Variants in GTF2B observed in about 807,000 individuals in gnomAD.
GTF2B encodes general transcription factor IIB.
Under a neutral mutation model 34.6 loss-of-function variants are expected in GTF2B, and 20 were observed. The observed-to-expected ratio is 0.58, with a 90% CI of 0.41 to 0.84. The LOEUF is 0.84. Among genes scored for constraint, GTF2B ranks in the 40% least tolerant of loss-of-function variants. The probability of loss-of-function intolerance (pLI) is 0.00; values close to 1 mark genes in which losing one functional copy is unlikely to be tolerated. For missense variants in GTF2B, 237 were observed against 393.3 expected, an observed-to-expected ratio of 0.60 and a Z score of 3.36; for synonymous variants, 142 against 132.4, an observed-to-expected ratio of 1.07 and a Z score of -0.50.
chr1:88,883,016 C>T (rs1208162393), intron 2 of GTF2B, among the ~76,000 whole-genome samples: 14 of 152,194 alleles, frequency 9.2e-5, no homozygotes, highest in Admixed American at 9.2e-4. Flanking sequence ...TGCTGCAAAT[C>T]TATGTGGTAA....
intron 6 of GTF2B, 93 bp from the exon 7 acceptor site, chr1:88,853,439 G>C: frequency 8.8e-7 from 1 of 1,141,210 alleles, no homozygotes; most frequent in Non-Finnish European, 1.3e-6. Context: ...ATAGTATAAA[G>C]TGCCAAACTT....
rs372235214 is a variant in GTF2B at position 88,869,511 on chromosome 1, A to G, written c.125-5397T>C. ...AAAAATGTCAGTCACAAAAAAGTTC[A>G]TACTATATGATTTCATTCACATGAA... is the stretch of plus-strand genomic sequence containing the variant. On this transcript the variant is annotated intron_variant, in intron 2 of 6. Coordinates refer to ENST00000370500, the MANE Select transcript of GTF2B (RefSeq NM_001514.6). Among the ~76,000 whole-genome samples, 75 of 152,370 alleles carry G rather than the reference A, an allele frequency of 4.9e-4. No individual in the cohort carries two copies. In the South Asian group the frequency reaches 0.015, roughly 30 times the overall value.
In GTF2B at chr1:88,864,054, T is replaced by C. The variant is rs1408006417; in HGVS notation, c.185A>G (p.Lys62Arg). The C allele has an allele frequency of 1.9e-6, 3 of 1,613,534 alleles. No homozygotes were observed. The African/African-American group carries it at 4.0e-5, about 22-fold the overall frequency. Residue 62 changes from lysine to arginine, a missense_variant, in exon 3 of 7, where the codon AAA becomes AGA. Transcript: ENST00000370500. ...WRTFSNDKAT[K>R]DPSRVGDSQN... ...AGAATCTCCAACTCGAGATGGATCT[T>C]TTGTTGCTTTGTCATTGCTGAAAGT... is the stretch of plus-strand genomic sequence containing the variant.
chr1:88,857,333 C>G lies in GTF2B; in HGVS notation c.690G>C (p.Met230Ile), dbSNP rs749892281. ...CTTTACGGGCTATATGTGTAGCTGC[C>G]ATCTGTACTTGTTTAGGAAGACAAA... ...SNLCLPKQVQ[M>I]AATHIARKAV... Residue 230 changes from methionine (M) to isoleucine (I), a missense_variant, in exon 6 of 7, where the codon ATG (methionine) becomes ATC (isoleucine). This residue lies in a region of GTF2B where 78 missense variants were observed against 116.6 expected (regional missense o/e 0.67). Transcript: ENST00000370500. 1 of 1,613,648 alleles carries G rather than the reference C, an allele frequency of 6.2e-7. No homozygotes were observed. The highest frequency in any genetic ancestry group is 8.5e-7 in the Non-Finnish European group (1 of 1,179,612).
Position 88,872,870 on chromosome 1 carries a change from CAAT to C in GTF2B, c.125-8759_125-8757del, listed in dbSNP as rs1288455342. 2.0e-5 allele frequency among the ~76,000 whole-genome samples: 3 copies of C among 152,230 alleles called. No individual in the cohort carries two copies. In the East Asian group the frequency reaches 5.8e-4, roughly 29 times the overall value. On this transcript the variant is annotated intron_variant, in intron 2 of 6. Coordinates refer to ENST00000370500, the MANE Select transcript of GTF2B (RefSeq NM_001514.6). ...TTAATAGAAATCTTCCATAATATTTCAATAATAGACCCTTTAGCGCACTGATCA... is the reference window on the plus strand; with the variant it reads ...TTAATAGAAATCTTCCATAATATTTCAATAGACCCTTTAGCGCACTGATCA...
chr1:88,859,843 CA>C (rs1673396681), intron 5 of GTF2B, 38 bp downstream of exon 5: 1 of 1,593,800 alleles, frequency 6.3e-7, no homozygotes, highest in Non-Finnish European at 8.6e-7. Flanking sequence ...CTCAAACAAA[CA>C]AACAAACAAA....
chr1:88,870,411 C>A lies in GTF2B; in HGVS notation c.125-6297G>T, dbSNP rs563616149. 2.0e-5 allele frequency among the ~76,000 whole-genome samples: 3 copies of A among 152,246 alleles called. No individual in the cohort carries two copies. In the East Asian group the frequency reaches 5.8e-4, roughly 29 times the overall value. ...TGATTTTGAATTAAATGACACCAAA[C>A]CTATATATTATTTTGGGAATCACAG... On this transcript the variant is annotated intron_variant, in intron 2 of 6. Transcript: ENST00000370500.
chr1:88,884,878 A>T (rs115412136), intron 2 of GTF2B, among the ~76,000 whole-genome samples: 2,527 of 152,332 alleles, frequency 0.017, 58 homozygotes, highest in African/African-American at 0.045. Flanking sequence ...ATGACATTCA[A>T]AGTTAACTTT....
chr1:88,879,728 TA>T (rs1217119156), intron 2 of GTF2B, among the ~76,000 whole-genome samples: 1 of 152,118 alleles, frequency 6.6e-6, no homozygotes, highest in Non-Finnish European at 1.5e-5. Flanking sequence ...TGGGTTGTCC[TA>T]ATTTTCAAGC....
chr1:88,872,590 T>C (rs1673722620), intron 2 of GTF2B, among the ~76,000 whole-genome samples: 1 of 152,106 alleles, frequency 6.6e-6, no homozygotes, highest in Non-Finnish European at 1.5e-5. Context: ...TTTGTAGCCC[T>C]GAGCTCTTCT....
At chr1:88,856,955 CA>C (rs1189166728) in intron 6 of GTF2B, among the ~76,000 whole-genome samples, 2 of 152,018 alleles carry the variant, frequency 1.3e-5, no homozygotes, top group African/African-American at 4.8e-5. Context: ...GCCCCACCAC[CA>C]CACCCAGCTA....
At chr1:88,890,777 GAT>G (rs1557663986) in intron 1 of GTF2B, among the ~76,000 whole-genome samples, 1 of 152,140 alleles carries the variant, frequency 6.6e-6, no homozygotes, top group Non-Finnish European at 1.5e-5. Flanking sequence ...ATTTCCTGTA[GAT>G]ATGAGTACAC....
At chr1:88,854,884 C>T (rs1438395166) in intron 6 of GTF2B, among the ~76,000 whole-genome samples, 1 of 152,180 alleles carries the variant, frequency 6.6e-6, no homozygotes, top group Non-Finnish European at 1.5e-5. Flanking sequence ...TGAATGCCTG[C>T]CATCATTGTA....
intron 1 of GTF2B, among the ~76,000 whole-genome samples, chr1:88,890,678 C>T (rs958556030): frequency 6.6e-6 from 1 of 152,102 alleles, no homozygotes; most frequent in African/African-American, 2.4e-5. Flanking sequence ...CTAATATCTA[C>T]CTCACAGTGG....
intron 2 of GTF2B, among the ~76,000 whole-genome samples, chr1:88,868,770 C>T (rs903372652): frequency 6.6e-6 from 1 of 150,390 alleles, no homozygotes; most frequent in African/African-American, 2.5e-5. Flanking sequence ...GAGTCTCGCT[C>T]TGTCGCCCAG....
At position 88,887,372 on chromosome 1, in the gene GTF2B, A is replaced by G. The variant is rs750612554; in HGVS notation, c.18-5T>C. 9 of 1,572,674 alleles carry G rather than the reference A, an allele frequency of 5.7e-6. No individual in the cohort carries two copies. The highest frequency in any genetic ancestry group is 7.9e-6 in the Non-Finnish European group (9 of 1,142,414). ...ACTCTTGGAAGAGCATCCAAACTAA[A>G]AGAAAAAAGTTGTATTTTTACATCT... On this transcript the variant is annotated splice_polypyrimidine_tract_variant and splice_region_variant and intron_variant, in intron 1 of 6. Transcript: ENST00000370500.
At chr1:88,888,779 T>C (rs2100982607) in intron 1 of GTF2B, among the ~76,000 whole-genome samples, 1 of 152,252 alleles carries the variant, frequency 6.6e-6, no homozygotes, top group East Asian at 1.9e-4. Flanking sequence ...AACCTCAAAA[T>C]ACTAACAGAA....
intron 5 of GTF2B, 133 bp from the exon 6 acceptor site, chr1:88,857,620 C>G (rs1363658126): frequency 7.0e-6 from 4 of 572,880 alleles, no homozygotes; most frequent in African/African-American, 3.8e-5. Context: ...AGATGAAACC[C>G]TAATCATCTC....
At chr1:88,874,866 A>C (rs1386318306) in intron 2 of GTF2B, among the ~76,000 whole-genome samples, 1 of 152,110 alleles carries the variant, frequency 6.6e-6, no homozygotes, top group Non-Finnish European at 1.5e-5. Context: ...AAAGTTCAAG[A>C]ATCTGAACGT....
Sources: gnomAD v4.1 joint callset for allele counts (sites outside exome capture counted in the v4.1 genomes callset) on GRCh38, gnomAD v4.1.1 for gene constraint, gnomAD v4.1.1 regional missense constraint, MANE v1.5 for transcripts, NCBI Gene and HGNC (gene_info 2026-07-23, HGNC 2026-07-21) for gene names.